Variants in RASA3 observed in about 807,000 individuals in gnomAD.
RASA3 encodes the protein RAS p21 protein activator 3, also known as ras GTPase-activating protein 3.
RASA3 carries 73 observed loss-of-function variants against 110.0 expected under a neutral mutation model. The observed-to-expected ratio is 0.66, with a 90% confidence interval of 0.55 to 0.81. The LOEUF is 0.81. RASA3 is among the 30% of genes least tolerant of loss of function. The pLI is 0.00. For missense variants in RASA3, 976 were observed against 1,113.2 expected, an observed-to-expected ratio of 0.88 and a Z score of 1.75; for synonymous variants, 500 against 451.4, an observed-to-expected ratio of 1.11 and a Z score of -1.37.
At chr13:114,010,462 C>T (rs2053606845) in intron 16 of RASA3, among the ~76,000 whole-genome samples, 1 of 151,706 alleles carries the variant, frequency 6.6e-6, no homozygotes, top group Non-Finnish European at 1.5e-5. Context: ...ACAAGGTGCT[C>T]TTAGGGGGAA....
intron 1 of RASA3, among the ~76,000 whole-genome samples, chr13:114,128,412 G>C (rs117837940): frequency 6.6e-6 from 1 of 152,380 alleles, no homozygotes; most frequent in Non-Finnish European, 1.5e-5. Context: ...ATCAGGCTGA[G>C]AGTGTCAGCT....
At position 114,013,132 on chromosome 13, in the gene RASA3, G is replaced by T; in HGVS notation, c.1512+10C>A. The T allele has an allele frequency of 6.2e-7, 1 of 1,608,494 alleles. No individual in the cohort carries two copies. Among genetic ancestry groups the T allele is most frequent in the Non-Finnish European group, 8.5e-7 (1 of 1,177,530 alleles). On this transcript the variant is annotated intron_variant, in intron 15 of 23. Coordinates refer to ENST00000334062, the MANE Select transcript of RASA3 (RefSeq NM_007368.4). ...CTCAGAAAGCCTCGGTCCCTCAGCC[G>T]GTCACTCACCGTGTGGTGCGGCGTG...
chr13:114,111,785 C>G (rs560839046), intron 1 of RASA3, among the ~76,000 whole-genome samples: 3 of 152,246 alleles, frequency 2.0e-5, no homozygotes, highest in African/African-American at 7.2e-5. Flanking sequence ...AAACCTCATG[C>G]GTAAAGCAGA....
At chr13:114,102,972 C>A (rs1161161942) in intron 1 of RASA3, among the ~76,000 whole-genome samples, 7 of 152,082 alleles carry the variant, frequency 4.6e-5, no homozygotes, top group African/African-American at 1.7e-4. Flanking sequence ...GTCCCTGAAC[C>A]AAACCACCCC....
Position 114,047,180 on chromosome 13 carries a change from C to T in RASA3, c.277+4872G>A, listed in dbSNP as rs560927433. Among the ~76,000 whole-genome samples, 7 of 152,266 alleles carry T rather than the reference C, an allele frequency of 4.6e-5. No individual in the cohort carries two copies. The South Asian group carries it at 8.3e-4, about 18-fold the overall frequency. The stretch of plus-strand genomic sequence containing the variant: ...TTGCAAAGCACACTTGTGATAGACT[C>T]GTATCCAGAATATACAGGGAACTTT... On this transcript the variant is annotated intron_variant, in intron 3 of 23. Coordinates refer to ENST00000334062, the MANE Select transcript of RASA3 (RefSeq NM_007368.4).
At chr13:114,116,069 GC>G (rs1162338648) in intron 1 of RASA3, among the ~76,000 whole-genome samples, 4 of 152,218 alleles carry the variant, frequency 2.6e-5, no homozygotes, top group Non-Finnish European at 5.9e-5. Context: ...GAGCCTGGCA[GC>G]AGCGCAGGGG....
At chr13:114,109,834 CG>C (rs1415644300) in intron 1 of RASA3, among the ~76,000 whole-genome samples, 2 of 152,192 alleles carry the variant, frequency 1.3e-5, no homozygotes, top group Non-Finnish European at 2.9e-5. Context: ...TCTCTTTGAC[CG>C]GGGGTGGCCT....
intron 8 of RASA3, among the ~76,000 whole-genome samples, chr13:114,022,477 G>A (rs976706186): frequency 6.6e-5 from 10 of 152,194 alleles, no homozygotes; most frequent in South Asian, 2.1e-4. Context: ...GCTAAAACTC[G>A]GCAGGCCTAA....
chr13:113,994,061 A>G (rs2053181124), intron 21 of RASA3, among the ~76,000 whole-genome samples: 1 of 152,250 alleles, frequency 6.6e-6, no homozygotes, highest in African/African-American at 2.4e-5. Context: ...TATTATAGCT[A>G]AAACAATTCT....
chr13:114,055,559 A>G (rs2079229705), intron 2 of RASA3, among the ~76,000 whole-genome samples: 1 of 152,258 alleles, frequency 6.6e-6, no homozygotes, highest in Non-Finnish European at 1.5e-5. Context: ...CGAGCTACTC[A>G]CAGGACAAGC....
At chr13:114,077,584 C>T (rs1285602078) in intron 1 of RASA3, among the ~76,000 whole-genome samples, 4 of 145,494 alleles carry the variant, frequency 2.7e-5, no homozygotes, top group African/African-American at 7.7e-5. Context: ...ACCAATGCAC[C>T]GGATTCATCC....
chr13:114,001,342 C>T (rs1166479877), intron 18 of RASA3, among the ~76,000 whole-genome samples: 2 of 149,684 alleles, frequency 1.3e-5, no homozygotes, highest in African/African-American at 2.4e-5. Flanking sequence ...TCAGGGTGGG[C>T]AGTGGACGCC....
chr13:114,106,428 G>A (rs1244822653), intron 1 of RASA3, among the ~76,000 whole-genome samples: 1 of 152,164 alleles, frequency 6.6e-6, no homozygotes, highest in African/African-American at 2.4e-5. Context: ...AAATAAAAAT[G>A]ATAGGTCTAA....
At chr13:114,117,330 T>C (rs2080298847) in intron 1 of RASA3, among the ~76,000 whole-genome samples, 1 of 107,646 alleles carries the variant, frequency 9.3e-6, no homozygotes, top group Admixed American at 1.0e-4. Context: ...GTGTGACAGA[T>C]GCATGTGTGT....
chr13:114,030,489 GACTCACACA>G lies in RASA3; in HGVS notation c.373-611_373-603del, dbSNP rs1566501877. ...AGGGCAAGGCTCACACAGAGGGCAA[GACTCACACA>G]GAGGGCAAGACTCACACAGAGAGCA... On this transcript the variant is annotated intron_variant, in intron 4 of 23. Transcript: ENST00000334062. Among the ~76,000 whole-genome samples, 89 of 107,184 alleles carry G rather than the reference GACTCACACA, an allele frequency of 8.3e-4. 2 individuals are homozygous for G. Among genetic ancestry groups the G allele is most frequent in the African/African-American group, 2.4e-3 (77 of 31,800 alleles). 70.3% of individuals were successfully genotyped at this position (107,184 alleles called of 152,430 possible). A position where few individuals can be genotyped will look rare whatever the true frequency, so the allele number is the denominator to read the frequency against.
intron 2 of RASA3, among the ~76,000 whole-genome samples, chr13:114,068,738 A>G (rs1302047309): frequency 6.6e-6 from 1 of 152,252 alleles, no homozygotes; most frequent in East Asian, 1.9e-4. Flanking sequence ...ATGATTAAAA[A>G]TGATTGCTCT....
At chr13:114,110,255 C>T (rs977696410) in intron 1 of RASA3, among the ~76,000 whole-genome samples, 4 of 152,232 alleles carry the variant, frequency 2.6e-5, no homozygotes, top group Admixed American at 6.5e-5. Flanking sequence ...TCTGGGTCTA[C>T]GGGCTTACAT....
intron 1 of RASA3, among the ~76,000 whole-genome samples, chr13:114,130,731 C>T (rs1397381333): frequency 2.0e-5 from 3 of 152,192 alleles, no homozygotes; most frequent in African/African-American, 4.8e-5. Context: ...CATGCTGTGC[C>T]GGCTGTGGGC....
chr13:114,095,299 G>T (rs780423619), intron 1 of RASA3, among the ~76,000 whole-genome samples: 1 of 152,070 alleles, frequency 6.6e-6, no homozygotes, highest in Non-Finnish European at 1.5e-5. Context: ...TAAACACAGT[G>T]GTTTTTAGTA....
Sources: allele counts gnomAD v4.1 joint callset (sites outside exome capture counted in the v4.1 genomes callset), GRCh38; gene constraint gnomAD v4.1.1; transcripts MANE v1.5; gene names NCBI Gene and HGNC (gene_info 2026-07-23, HGNC 2026-07-21).